TMEM272: variants seen among roughly 807,000 people sequenced by gnomAD.
TMEM272 encodes transmembrane protein 272.
TMEM272 carries 8 observed loss-of-function variants against 3.7 expected under a neutral mutation model. That is an observed-to-expected ratio of 2.17 (90% CI 1.27 to 3.91). The LOEUF (loss-of-function observed/expected upper bound fraction) is 3.91, where lower values mean the gene tolerates loss of function less well. Ranked by LOEUF, TMEM272 falls within the 30% of genes most tolerant of loss-of-function variation. The probability of loss-of-function intolerance (pLI) is 0.00; values close to 1 mark genes in which losing one functional copy is unlikely to be tolerated. For synonymous variants in TMEM272, 63 were observed against 39.8 expected (o/e 1.58, Z -2.20); for missense variants, 166 against 91.5 (o/e 1.81, Z -3.32).
the TMEM272 span, among the ~76,000 whole-genome samples, chr13:51,881,566 G>A: frequency 1.3e-5 from 2 of 152,152 alleles, no homozygotes; most frequent in Non-Finnish European, 2.9e-5. Flanking sequence ...GAATGTATGT[G>A]AGCTCACAAA....
the TMEM272 span, among the ~76,000 whole-genome samples, chr13:51,882,035 T>C: frequency 6.6e-5 from 10 of 152,164 alleles, no homozygotes; most frequent in Non-Finnish European, 5.9e-5. Flanking sequence ...TAAAGAAAAA[T>C]TTATTTAAAA....
At chr13:51,887,416 T>C in the TMEM272 span, among the ~76,000 whole-genome samples, 148,500 of 152,334 alleles carry the variant, frequency 0.97, 72,399 homozygotes, top group East Asian at 1. Context: ...GTGATTCAAG[T>C]CGTCTCTATT....
chr13:51,877,757 CTTG>C, the TMEM272 span, among the ~76,000 whole-genome samples: 1 of 152,138 alleles, frequency 6.6e-6, no homozygotes, highest in African/African-American at 2.4e-5. Context: ...TCTTGTTGTA[CTTG>C]TTGTACTACT....
At position 51,814,094 on chromosome 13, in the gene TMEM272, A is replaced by C. The variant is rs937259176; in HGVS notation, c.*2657T>G. 3 of 152,274 alleles carry C rather than the reference A, an allele frequency of 2.0e-5. No homozygotes were observed. Among genetic ancestry groups the C allele is most frequent in the Non-Finnish European group, 4.4e-5 (3 of 68,078 alleles). The allele number at this position is 152,274 out of a possible 1,614,324, so 9.4% of individuals were successfully genotyped here. On this transcript the variant is annotated 3_prime_UTR_variant, in exon 5 of 5. Transcript: ENST00000629372. ...TACTTCAGGCCATGCCAAGGATTAT[A>C]ACTTCTTCTATAACCAGGAACTTCT...
chr13:51,884,021 T>C, the TMEM272 span, among the ~76,000 whole-genome samples: 301 of 152,350 alleles, frequency 2.0e-3, no homozygotes, highest in African/African-American at 6.9e-3. Context: ...AGGGAAACAC[T>C]GGCAACGTGG....
chr13:51,865,445 C>T, the TMEM272 span: 1 of 1,614,004 alleles, frequency 6.2e-7, no homozygotes, highest in African/African-American at 1.3e-5. Context: ...ATGGATGGGG[C>T]TTGCCTGCTT....
chr13:51,825,985 G>A (rs895923593), intron 3 of TMEM272, among the ~76,000 whole-genome samples: 3 of 152,044 alleles, frequency 2.0e-5, no homozygotes, highest in Admixed American at 2.0e-4. Flanking sequence ...AGGAGCATGA[G>A]ATTAATTTCA....
chr13:51,906,262 G>A, the TMEM272 span, among the ~76,000 whole-genome samples: 1 of 152,204 alleles, frequency 6.6e-6, no homozygotes. Context: ...CAGCCACACA[G>A]AATGAGCAGT....
chr13:51,840,818 C>T (rs1227039115), intron 1 of TMEM272, among the ~76,000 whole-genome samples: 1 of 152,240 alleles, frequency 6.6e-6, no homozygotes, highest in Non-Finnish European at 1.5e-5. Context: ...GCTGTGATGT[C>T]CTTATACACA....
At chr13:51,896,921 G>A in the TMEM272 span, among the ~76,000 whole-genome samples, 2 of 152,210 alleles carry the variant, frequency 1.3e-5, no homozygotes, top group Non-Finnish European at 2.9e-5. Flanking sequence ...AAACCCCACA[G>A]GTGATTTAGA....
upstream of TMEM272, among the ~76,000 whole-genome samples, chr13:51,849,709 A>C (rs535294960): frequency 3.3e-5 from 5 of 152,312 alleles, no homozygotes; most frequent in East Asian, 5.8e-4. Flanking sequence ...CCTTTTACTC[A>C]GGTCTGAAGT....
chr13:51,873,622 C>A, the TMEM272 span, among the ~76,000 whole-genome samples: 249 of 152,304 alleles, frequency 1.6e-3, no homozygotes, highest in African/African-American at 5.2e-3. Flanking sequence ...GTGTCTAATT[C>A]CCTTGTGATG....
At chr13:51,858,435 G>A in the TMEM272 span, among the ~76,000 whole-genome samples, 1 of 152,240 alleles carries the variant, frequency 6.6e-6, no homozygotes, top group Admixed American at 6.5e-5. Context: ...CTGGAAATCA[G>A]TAACAAAAAG....
the TMEM272 span, among the ~76,000 whole-genome samples, chr13:51,907,570 C>T: frequency 6.6e-6 from 1 of 152,186 alleles, no homozygotes; most frequent in Admixed American, 6.5e-5. Context: ...ACTATAATAG[C>T]TAACCTTAAC....
the TMEM272 span, among the ~76,000 whole-genome samples, chr13:51,884,745 T>C: frequency 6.6e-6 from 1 of 152,200 alleles, no homozygotes; most frequent in Non-Finnish European, 1.5e-5. Flanking sequence ...AATTTCATCA[T>C]CTATAACAAG....
the TMEM272 span, among the ~76,000 whole-genome samples, chr13:51,885,268 T>C: frequency 1.3e-5 from 2 of 152,216 alleles, no homozygotes; most frequent in Non-Finnish European, 2.9e-5. Context: ...GTTCTCACAA[T>C]GCTATGAAAG....
chr13:51,854,943 T>C, the TMEM272 span, among the ~76,000 whole-genome samples: 164 of 152,308 alleles, frequency 1.1e-3, 1 homozygote, highest in African/African-American at 3.8e-3. Flanking sequence ...CTAGGTTGTT[T>C]GGGCAAAATA....
chr13:51,845,300 C>G (rs1956296410), upstream of TMEM272: 1 of 152,294 alleles, frequency 6.6e-6, no homozygotes, highest in Non-Finnish European at 1.5e-5. Flanking sequence ...GCAGAGCGAC[C>G]CTGGGAGCTG....
chr13:51,883,489 T>C, the TMEM272 span, among the ~76,000 whole-genome samples: 4 of 152,174 alleles, frequency 2.6e-5, no homozygotes, highest in South Asian at 2.1e-4. Context: ...CTAAAGTGGA[T>C]GGCCGTCTGT....
Sources: allele counts gnomAD v4.1 joint callset (sites outside exome capture counted in the v4.1 genomes callset), GRCh38; gene constraint gnomAD v4.1.1; transcripts MANE v1.5; gene names NCBI Gene and HGNC (gene_info 2026-07-23, HGNC 2026-07-21).